DENND4C: variants seen among roughly 807,000 people sequenced by gnomAD.
DENND4C encodes the protein DENN domain-containing protein 4C.
DENND4C carries 108 observed loss-of-function variants against 203.0 expected under a neutral mutation model. The observed-to-expected ratio is 0.53, with a 90% CI of 0.46 to 0.62. The LOEUF is 0.62. DENND4C is among the 20% of genes least tolerant of loss of function. DENND4C has a pLI of 0.00. For missense variants in DENND4C, 2,481 were observed against 2,301.2 expected (o/e 1.08, Z -1.60); for synonymous variants, 871 against 792.4 (o/e 1.10, Z -1.67).
At chr9:19,302,860 T>G (rs1838873232) in intron 9 of DENND4C, among the ~76,000 whole-genome samples, 1 of 152,208 alleles carries the variant, frequency 6.6e-6, no homozygotes, top group Non-Finnish European at 1.5e-5. Flanking sequence ...TATATCCCCT[T>G]GGCTAAATCT....
At chr9:19,364,818 C>T (rs1389066820) in intron 30 of DENND4C, among the ~76,000 whole-genome samples, 1 of 152,058 alleles carries the variant, frequency 6.6e-6, no homozygotes, top group Non-Finnish European at 1.5e-5. Flanking sequence ...TCAGGGAGGC[C>T]TGGGAGGCGG....
chr9:19,280,585 T>C (rs1214364051), intron 2 of DENND4C, among the ~76,000 whole-genome samples: 1 of 152,112 alleles, frequency 6.6e-6, no homozygotes, highest in Admixed American at 6.5e-5. Context: ...ATAGGTAATA[T>C]ATATCCCTAA....
chr9:19,233,785 G>A (rs1304103238), intron 1 of DENND4C, among the ~76,000 whole-genome samples: 2 of 152,086 alleles, frequency 1.3e-5, no homozygotes, highest in East Asian at 3.9e-4. Context: ...TAGAGAAGGG[G>A]TTTCACTATG....
intron 1 of DENND4C, among the ~76,000 whole-genome samples, chr9:19,261,187 T>C (rs1052075642): frequency 6.6e-6 from 1 of 152,174 alleles, no homozygotes; most frequent in African/African-American, 2.4e-5. Flanking sequence ...ATGGATTTAT[T>C]TCTGGGTTCT....
In DENND4C at chr9:19,373,003, A is replaced by G. The variant is rs549649833; in HGVS notation, c.*830A>G. On this transcript the variant is annotated 3_prime_UTR_variant, in exon 33 of 33. Coordinates refer to ENST00000434457, the MANE Select transcript of DENND4C (RefSeq NM_001330640.2). Reference sequence around the variant, plus strand: ...GCATGTTGCAATACGGTTTTCTGAAAGGGGTCTCATTGACTATTAAATAAA... The same window carrying G: ...GCATGTTGCAATACGGTTTTCTGAAGGGGGTCTCATTGACTATTAAATAAA... 38 of 152,316 alleles carry G rather than the reference A, an allele frequency of 2.5e-4. No homozygotes were observed. The highest frequency in any genetic ancestry group is 7.0e-4 in the African/African-American group (29 of 41,580). The allele number at this position is 152,316 out of a possible 1,614,324, so 9.4% of individuals were successfully genotyped here.
intron 19 of DENND4C, 60 bp from the exon 20 acceptor site, chr9:19,336,626 G>A (rs1820534997): frequency 1.3e-6 from 2 of 1,495,832 alleles, no homozygotes; most frequent in Non-Finnish European, 1.8e-6. Flanking sequence ...GGTCAATCAT[G>A]TTTAGTTTAA....
At chr9:19,291,723 T>C (rs1378225978) in intron 5 of DENND4C, among the ~76,000 whole-genome samples, 1 of 131,714 alleles carries the variant, frequency 7.6e-6, no homozygotes, top group Non-Finnish European at 1.6e-5. Context: ...AAAAAAAAAA[T>C]AGCAGAGATA....
intron 1 of DENND4C, among the ~76,000 whole-genome samples, chr9:19,265,646 C>T (rs1254911827): frequency 6.6e-6 from 1 of 151,976 alleles, no homozygotes; most frequent in Non-Finnish European, 1.5e-5. Context: ...ATGTTCCCCA[C>T]CCTGTGTCCA....
chr9:19,315,029 G>T (rs556963063), intron 10 of DENND4C, among the ~76,000 whole-genome samples: 2 of 151,620 alleles, frequency 1.3e-5, no homozygotes, highest in Non-Finnish European at 2.9e-5. Context: ...GCGTGATGGC[G>T]CGCCCCTGTA....
Position 19,360,373 on chromosome 9 carries a change from A to C in DENND4C, c.5290A>C (p.Ile1764Leu). Residue 1764 changes from isoleucine (I) to leucine (L), a missense_variant, in exon 29 of 33, where the codon ATC becomes CTC. Ile to Leu is a conservative substitution (Grantham distance 5, BLOSUM62 2). Transcript: ENST00000434457. ...TCAGGTGATTCATACATCTTCTTTC[A>C]TCAATCAACATCCAATCATTTTCTG... ...GDQVIHTSSF[I>L]NQHPIIFWNL... is the part of the protein sequence containing the mutation. 1 of 1,614,126 alleles carries C rather than the reference A, an allele frequency of 6.2e-7. No individual in the cohort carries two copies. The highest frequency in any genetic ancestry group is 8.5e-7 in the Non-Finnish European group (1 of 1,179,996).
chr9:19,282,579 T>C (rs2383088), intron 2 of DENND4C, among the ~76,000 whole-genome samples: 122,469 of 148,832 alleles, frequency 0.82, 50,541 homozygotes, highest in East Asian at 0.99. Context: ...AAAAAAATAA[T>C]GGGGTCTTGC....
chr9:19,358,251 T>G lies in DENND4C; in HGVS notation c.5160+91T>G. On this transcript the variant is annotated intron_variant, in intron 28 of 32. Transcript: ENST00000434457. This position sits in a 1 kb window ranked among gnomAD's most constrained non-coding sequence, Gnocchi z 4.8. ...AAATTCTTCTGTAGTGGACTTATTT[T>G]AATTACATGAAAAGTGATAGAGTTT... 9.6e-7 allele frequency: 1 copy of G among 1,036,442 alleles called. No individual in the cohort carries two copies. Among genetic ancestry groups the G allele is most frequent in the Non-Finnish European group, 1.3e-6 (1 of 750,138 alleles). The allele number at this position is 1,036,442 out of a possible 1,614,324, so 64.2% of individuals were successfully genotyped here.
intron 1 of DENND4C, among the ~76,000 whole-genome samples, chr9:19,257,604 A>G (rs112990796): frequency 0.014 from 2,175 of 152,304 alleles, 48 homozygotes; most frequent in African/African-American, 0.05. Flanking sequence ...AGAAAAATCA[A>G]TGAAACCAAA....
At chr9:19,244,158 G>A (rs1367858185) in intron 1 of DENND4C, among the ~76,000 whole-genome samples, 2 of 152,104 alleles carry the variant, frequency 1.3e-5, no homozygotes, top group African/African-American at 2.4e-5. Context: ...AGCCTCCTGA[G>A]TAGCTGGGAT....
intron 12 of DENND4C, among the ~76,000 whole-genome samples, chr9:19,318,391 T>C (rs1299739970): frequency 6.6e-6 from 1 of 152,198 alleles, no homozygotes; most frequent in Non-Finnish European, 1.5e-5. Flanking sequence ...TGATACCTAC[T>C]TCATGGTTGT....
At chr9:19,363,540 T>C (rs991125401) in intron 30 of DENND4C, among the ~76,000 whole-genome samples, 3 of 151,944 alleles carry the variant, frequency 2.0e-5, no homozygotes, top group East Asian at 1.9e-4. Context: ...CCCACTCTTA[T>C]GTCCTCATGT....
chr9:19,307,452 A>G (rs1839914139), intron 10 of DENND4C, among the ~76,000 whole-genome samples: 1 of 151,476 alleles, frequency 6.6e-6, no homozygotes, highest in Non-Finnish European at 1.5e-5. Context: ...AATGTAAATA[A>G]CTTGTATCTA....
At chr9:19,301,178 C>CA (rs576219374) in intron 9 of DENND4C, among the ~76,000 whole-genome samples, 315 of 112,350 alleles carry the variant, frequency 2.8e-3, no homozygotes, top group South Asian at 0.016. Context: ...AACTCCGTCT[C>CA]AAAAAAAAAA....
rs1588963952 is a variant in DENND4C at position 19,346,865 on chromosome 9, C to T, written c.4096C>T (p.Arg1366Ter). The T allele has an allele frequency of 1.2e-6, 2 of 1,614,192 alleles. No individual in the cohort carries two copies. Among genetic ancestry groups the T allele is most frequent in the Non-Finnish European group, 1.7e-6 (2 of 1,180,036 alleles). Residue 1366 changes from arginine to a stop codon, truncating the protein, a stop_gained, in exon 23 of 33, where the codon CGA (arginine) becomes TGA (stop). Transcript: ENST00000434457. LOFTEE classifies it high-confidence loss of function. ...TGRFKQQTPS[R>*]THKERSTSLS... is the part of the protein sequence containing the mutation. ...GCGTTTCAAGCAGCAAACCCCCTCT[C>T]GAACTCATAAAGAACGTTCAACTTC...
Sources: allele counts gnomAD v4.1 joint callset (sites outside exome capture counted in the v4.1 genomes callset), GRCh38; gene constraint gnomAD v4.1.1; non-coding constraint Gnocchi (gnomAD v3.1); transcripts MANE v1.5; gene names NCBI Gene and HGNC (gene_info 2026-07-23, HGNC 2026-07-21).